Variants in VAMP7 observed in about 807,000 individuals in gnomAD.
The protein encoded by VAMP7 is vesicle-associated membrane protein 7.
VAMP7 carries 14 observed loss-of-function variants against 29.6 expected under a neutral mutation model. The ratio of observed to expected loss-of-function variants is 0.47; its 90% CI spans 0.31 to 0.74. The LOEUF (loss-of-function observed/expected upper bound fraction) is 0.74, where lower values mean the gene tolerates loss of function less well. Among genes scored for constraint, VAMP7 ranks in the 30% least tolerant of loss-of-function variants. The pLI is 0.05. For missense variants in VAMP7, 223 were observed against 262.4 expected (o/e 0.85, Z 1.04); for synonymous variants, 95 against 88.1 (o/e 1.08, Z -0.44).
chrX:155,917,742 G>A (rs1460229805), intron 5 of VAMP7, among the ~76,000 whole-genome samples: 5 of 152,098 alleles, frequency 3.3e-5, no homozygotes, highest in African/African-American at 4.8e-5. Flanking sequence ...GATGTCTGTC[G>A]ACTCCTGCTG....
intron 6 of VAMP7, among the ~76,000 whole-genome samples, chrX:155,923,944 CTTTTTT>C: frequency 6.6e-6 from 1 of 152,094 alleles, no homozygotes; most frequent in East Asian, 1.9e-4. Flanking sequence ...TGTTTTGGAT[CTTTTTT>C]ATATCTTCCA....
At chrX:155,905,675 G>T (rs1209707143) in intron 5 of VAMP7, among the ~76,000 whole-genome samples, 1 of 152,060 alleles carries the variant, frequency 6.6e-6, no homozygotes, top group Non-Finnish European at 1.5e-5. Flanking sequence ...TTTCCCTGTT[G>T]AATGATCTTA....
chrX:155,901,156 T>C (rs1030495237), intron 5 of VAMP7, among the ~76,000 whole-genome samples: 1 of 152,054 alleles, frequency 6.6e-6, no homozygotes, highest in African/African-American at 2.4e-5. Context: ...TGTTATATTT[T>C]TGTGCCTATT....
intron 6 of VAMP7, among the ~76,000 whole-genome samples, chrX:155,922,518 C>T (rs1398939589): frequency 2.0e-5 from 3 of 151,990 alleles, no homozygotes; most frequent in Non-Finnish European, 4.4e-5. Context: ...TGGCAAATTA[C>T]ATTGATTTTT....
rs368927239 is a variant in VAMP7 at position 155,907,679 on chromosome X, T to A, written c.433+7092T>A. Among the ~76,000 whole-genome samples the A allele has an allele frequency of 6.8e-3, 1,018 of 150,800 alleles. 4 individuals are homozygous for A. Among genetic ancestry groups the A allele is most frequent in the Middle Eastern group, 0.014 (4 of 294 alleles). ...AAGTCTCCCATGTCTACTTCTTTCT[T>A]CACAGACACAGCAACCATCCGATTT... On this transcript the variant is annotated intron_variant, in intron 5 of 7. Transcript: ENST00000286448.
At chrX:155,925,326 A>G (rs1403512895) in intron 6 of VAMP7, among the ~76,000 whole-genome samples, 2 of 152,206 alleles carry the variant, frequency 1.3e-5, no homozygotes, top group Non-Finnish European at 2.9e-5. Context: ...TATGGCAGCT[A>G]TACTAAATGT....
At chrX:155,902,110 A>G (rs2066071561) in intron 5 of VAMP7, among the ~76,000 whole-genome samples, 1 of 152,054 alleles carries the variant, frequency 6.6e-6, no homozygotes, top group Non-Finnish European at 1.5e-5. Flanking sequence ...TTGGATTCCT[A>G]GGTATTTTAT....
chrX:155,892,519 G>C (rs2065937192), intron 2 of VAMP7, among the ~76,000 whole-genome samples: 1 of 151,972 alleles, frequency 6.6e-6, no homozygotes, highest in African/African-American at 2.4e-5. Flanking sequence ...TTCAATGCTA[G>C]GTTCTTTCTC....
chrX:155,903,524 C>A (rs1384639083), intron 5 of VAMP7, among the ~76,000 whole-genome samples: 1 of 151,882 alleles, frequency 6.6e-6, no homozygotes, highest in Non-Finnish European at 1.5e-5. Context: ...AAACAAACAA[C>A]CCCATCAAAA....
At chrX:155,927,278 T>C (rs2066481463) in intron 6 of VAMP7, among the ~76,000 whole-genome samples, 1 of 151,470 alleles carries the variant, frequency 6.6e-6, no homozygotes, top group African/African-American at 2.4e-5. Context: ...AGATAACGGG[T>C]TGATGGGTAC....
intron 6 of VAMP7, among the ~76,000 whole-genome samples, chrX:155,931,619 G>GGTT (rs2066556672): frequency 6.6e-6 from 1 of 152,156 alleles, no homozygotes; most frequent in Admixed American, 6.6e-5. Flanking sequence ...TTAGCCCTTT[G>GGTT]TCAGATGAGT....
intron 5 of VAMP7, among the ~76,000 whole-genome samples, chrX:155,916,123 CT>C (rs1340457321): frequency 6.6e-6 from 1 of 151,928 alleles, no homozygotes; most frequent in Non-Finnish European, 1.5e-5. Context: ...CCTTTTTTGT[CT>C]TTTTTGATCT....
At chrX:155,888,525 C>G (rs1168951296) in intron 1 of VAMP7, among the ~76,000 whole-genome samples, 1 of 152,132 alleles carries the variant, frequency 6.6e-6, no homozygotes, top group Admixed American at 6.5e-5. Flanking sequence ...GAAGACTAGA[C>G]AAGGATTTGT....
At chrX:155,894,094 G>A (rs1261325552) in intron 2 of VAMP7, among the ~76,000 whole-genome samples, 1 of 152,244 alleles carries the variant, frequency 6.6e-6, no homozygotes, top group South Asian at 2.1e-4. Context: ...AGGTACAAAT[G>A]TGGGAGGCAA....
chrX:155,934,101 A>T (rs2066609382), intron 6 of VAMP7, among the ~76,000 whole-genome samples: 1 of 152,150 alleles, frequency 6.6e-6, no homozygotes, highest in South Asian at 2.1e-4. Flanking sequence ...ACATTTGCTG[A>T]GGAGTGCTTT....
intron 5 of VAMP7, among the ~76,000 whole-genome samples, chrX:155,908,960 C>T (rs2066193141): frequency 6.6e-6 from 1 of 152,000 alleles, no homozygotes; most frequent in African/African-American, 2.4e-5. Flanking sequence ...GCTGGGACTG[C>T]AGGCATGTGC....
chrX:155,919,025 G>C (rs1369490083), intron 5 of VAMP7, among the ~76,000 whole-genome samples: 1 of 152,136 alleles, frequency 6.6e-6, no homozygotes, highest in East Asian at 1.9e-4. Flanking sequence ...CATCAGGGTT[G>C]TTGGCCTGCA....
rs147391830 is a variant in VAMP7, at chrX:155,901,193, A to T, written c.433+606A>T. ...TGTTTTTCTTATTTTCTTGAGATTA[A>T]TTATCAGGAATGGGATTAATAATCA... On this transcript the variant is annotated intron_variant, in intron 5 of 7. Transcript: ENST00000286448. Among the ~76,000 whole-genome samples the T allele has an allele frequency of 5.8e-3, 876 of 152,122 alleles. 11 individuals are homozygous for T. Among genetic ancestry groups the T allele is most frequent in the African/African-American group, 0.02 (836 of 41,528 alleles).
At chrX:155,915,218 T>C (rs2066294038) in intron 5 of VAMP7, among the ~76,000 whole-genome samples, 1 of 152,168 alleles carries the variant, frequency 6.6e-6, no homozygotes, top group Admixed American at 6.5e-5. Flanking sequence ...ACCCCCTTTA[T>C]CATTTTTTAT....
Sources: allele counts gnomAD v4.1 joint callset (sites outside exome capture counted in the v4.1 genomes callset), GRCh38; gene constraint gnomAD v4.1.1; transcripts MANE v1.5; gene names NCBI Gene and HGNC (gene_info 2026-07-23, HGNC 2026-07-21).